DISC1: variants seen among roughly 807,000 people sequenced by gnomAD.
DISC1 encodes DISC1 scaffold protein, also known as disrupted in schizophrenia 1 protein.
Under a neutral mutation model 84.5 loss-of-function variants are expected in DISC1, and 57 were observed. The observed-to-expected ratio is 0.67, with a 90% CI of 0.55 to 0.84. The LOEUF (loss-of-function observed/expected upper bound fraction) is 0.84, where lower values mean the gene tolerates loss of function less well. DISC1 is among the 40% of genes least tolerant of loss of function. DISC1 has a pLI of 0.00. For missense variants in DISC1, 1,000 were observed against 1,057.8 expected, an observed-to-expected ratio of 0.95 and a Z score of 0.76; for synonymous variants, 411 against 415.2, an observed-to-expected ratio of 0.99 and a Z score of 0.12.
chr1:231,746,409 A>G (rs754798810), intron 3 of DISC1, among the ~76,000 whole-genome samples: 4 of 152,210 alleles, frequency 2.6e-5, no homozygotes, highest in Non-Finnish European at 5.9e-5. Context: ...CTGCAAGAAC[A>G]TGGGGGTGTA....
At chr1:231,962,998 C>G (rs1296942941) in intron 10 of DISC1, among the ~76,000 whole-genome samples, 1 of 152,220 alleles carries the variant, frequency 6.6e-6, no homozygotes, top group Non-Finnish European at 1.5e-5. Flanking sequence ...ATAATAGCAA[C>G]TTTTCCTGCT....
Position 231,853,359 on chromosome 1 carries a change from C to T in DISC1, c.1981+34842C>T, listed in dbSNP as rs7512817. Among the ~76,000 whole-genome samples, 1,227 of 152,244 alleles carry T rather than the reference C, an allele frequency of 8.1e-3. 19 individuals carry two copies. The highest frequency in any genetic ancestry group is 0.028 in the African/African-American group (1,170 of 41,536). ...ACTTACACAAACCTAGATGGTGCAC[C>T]CTACTACTCCACACCCAGGCTACGT... On this transcript the variant is annotated intron_variant, in intron 9 of 12. Coordinates refer to ENST00000439617, the MANE Select transcript of DISC1 (RefSeq NM_018662.3).
chr1:231,973,486 A>G (rs79786855), intron 10 of DISC1, among the ~76,000 whole-genome samples: 2,010 of 152,326 alleles, frequency 0.013, 43 homozygotes, highest in East Asian at 0.099. Flanking sequence ...GCCTTTTCCC[A>G]TGTCCTTCAA....
At chr1:231,989,795 A>G (rs1229290685) in intron 10 of DISC1, among the ~76,000 whole-genome samples, 1 of 152,214 alleles carries the variant, frequency 6.6e-6, no homozygotes. Context: ...CTTTATATCA[A>G]GTACCTGTGC....
intron 6 of DISC1, among the ~76,000 whole-genome samples, chr1:231,775,368 G>T (rs1041806636): frequency 2.6e-5 from 4 of 152,162 alleles, no homozygotes; most frequent in Non-Finnish European, 5.9e-5. Flanking sequence ...GTGGCTTGTT[G>T]GGAACCCCCT....
At chr1:231,784,124 A>T (rs370377574) in intron 6 of DISC1, among the ~76,000 whole-genome samples, 1 of 152,094 alleles carries the variant, frequency 6.6e-6, no homozygotes, top group Non-Finnish European at 1.5e-5. Flanking sequence ...TTATCCGGGC[A>T]TGGTGGTGCG....
At chr1:231,723,020 C>A (rs995802890) in intron 3 of DISC1, 4 of 1,102,516 alleles carry the variant, frequency 3.6e-6, no homozygotes, top group Non-Finnish European at 4.4e-6. Flanking sequence ...ATGAAGGAAT[C>A]ATTTTCCCCT....
intron 3 of DISC1, among the ~76,000 whole-genome samples, chr1:231,713,186 C>T (rs1319888589): frequency 1.3e-5 from 2 of 152,014 alleles, no homozygotes; most frequent in African/African-American, 4.8e-5. Flanking sequence ...GGTGAGAGTC[C>T]GATAGCCAGA....
Position 231,954,335 on chromosome 1 carries a change from T to C in DISC1, c.1982-4493T>C, listed in dbSNP as rs1377114596. Among the ~76,000 whole-genome samples, 1 of 152,236 alleles carries C rather than the reference T, an allele frequency of 6.6e-6. No individual in the cohort carries two copies. The highest frequency in any genetic ancestry group is 2.4e-5 in the African/African-American group (1 of 41,464). Reference sequence around the variant, plus strand: ...GGACCCAGATTGAACTCCTGTAGCATGATGTGTGTTTCATGCACTCTACTG... The same window carrying C: ...GGACCCAGATTGAACTCCTGTAGCACGATGTGTGTTTCATGCACTCTACTG... On this transcript the variant is annotated intron_variant, in intron 9 of 12. Coordinates refer to ENST00000439617, the MANE Select transcript of DISC1 (RefSeq NM_018662.3). The surrounding 1 kb of genome is among the most constrained non-coding windows in gnomAD (Gnocchi z 4.8).
At chr1:231,750,340 A>C (rs1415981602) in intron 4 of DISC1, 10 of 1,262,394 alleles carry the variant, frequency 7.9e-6, no homozygotes, top group Non-Finnish European at 1.0e-5. Flanking sequence ...GGTCTGAAGC[A>C]TCTCTTGGGA....
intron 3 of DISC1, among the ~76,000 whole-genome samples, chr1:231,705,306 AAAAAAAAAAATCATT>A (rs1167415718): frequency 1.8e-5 from 2 of 109,670 alleles, no homozygotes; most frequent in African/African-American, 8.2e-5. Flanking sequence ...AAAAAAAAAA[AAAAAAAAAAATCATT>A]AAAAAAAAAA....
At chr1:231,908,435 C>T (rs967042107) in intron 9 of DISC1, among the ~76,000 whole-genome samples, 16 of 152,140 alleles carry the variant, frequency 1.1e-4, no homozygotes, top group Non-Finnish European at 1.5e-4. Context: ...AATAGGGAAT[C>T]GTTTCCCCAT....
Position 231,816,765 on chromosome 1 carries a change from A to G in DISC1, c.1793-1564A>G, listed in dbSNP as rs1460537993. On this transcript the variant is annotated intron_variant, in intron 8 of 12. Coordinates refer to ENST00000439617, the MANE Select transcript of DISC1 (RefSeq NM_018662.3). ...TTCTATTCCATCGATCTGTTTGTCTATGTATATTCAATGCCATATTACCTT... is the reference window on the plus strand; with the variant it reads ...TTCTATTCCATCGATCTGTTTGTCTGTGTATATTCAATGCCATATTACCTT... Among the ~76,000 whole-genome samples, 7 of 152,236 alleles carry G rather than the reference A, an allele frequency of 4.6e-5. No individual in the cohort carries two copies. In the South Asian group the frequency reaches 8.3e-4, roughly 18 times the overall value.
rs1056505562 is a variant in DISC1 at position 231,793,797 on chromosome 1, C to T, written c.1635-1445C>T. On this transcript the variant is annotated intron_variant, in intron 6 of 12. Coordinates refer to ENST00000439617, the MANE Select transcript of DISC1 (RefSeq NM_018662.3). ...CATTTAATACTGACTAGAGCTTGCC[C>T]TTGATATTTCTTTAAAAATATTTTA... Among the ~76,000 whole-genome samples, 4 of 152,298 alleles carry T rather than the reference C, an allele frequency of 2.6e-5. No individual in the cohort carries two copies. The South Asian group carries it at 6.2e-4, about 24-fold the overall frequency.
chr1:231,976,184 G>A (rs1482112395), intron 10 of DISC1, among the ~76,000 whole-genome samples: 1 of 152,148 alleles, frequency 6.6e-6, no homozygotes, highest in African/African-American at 2.4e-5. Flanking sequence ...TAATGGGTCT[G>A]TGAATCCCAT....
chr1:232,018,511 C>G (rs1256422305), intron 11 of DISC1, among the ~76,000 whole-genome samples: 5 of 152,208 alleles, frequency 3.3e-5, no homozygotes, highest in Non-Finnish European at 5.9e-5. Context: ...TTGAAAGTCA[C>G]TTTAATGGGA....
At position 231,780,969 on chromosome 1, in the gene DISC1, A is replaced by G. The variant is rs1367153074; in HGVS notation, c.1634+9899A>G. Among the ~76,000 whole-genome samples, 36 of 110,076 alleles carry G rather than the reference A, an allele frequency of 3.3e-4. No individual in the cohort carries two copies. The Admixed American group carries it at 4.2e-3, about 13-fold the overall frequency. 72.2% of individuals were successfully genotyped at this position (110,076 alleles called of 152,430 possible). A position where few individuals can be genotyped will look rare whatever the true frequency, so the allele number is the denominator to read the frequency against. On this transcript the variant is annotated intron_variant, in intron 6 of 12. Transcript: ENST00000439617. Reference sequence around the variant, plus strand: ...GGTGGGAATTGAACAATGAGATCACATGGACACAGGAAGGGGAATATCACA... The same window carrying G: ...GGTGGGAATTGAACAATGAGATCACGTGGACACAGGAAGGGGAATATCACA...
chr1:232,003,515 T>C (rs958136787), intron 10 of DISC1, among the ~76,000 whole-genome samples: 1 of 152,070 alleles, frequency 6.6e-6, no homozygotes, highest in Admixed American at 6.6e-5. Flanking sequence ...AGAATTATAG[T>C]TGGAAATTTA....
At chr1:231,679,806 C>T (rs1335418738) in intron 1 of DISC1, among the ~76,000 whole-genome samples, 1 of 152,204 alleles carries the variant, frequency 6.6e-6, no homozygotes, top group Non-Finnish European at 1.5e-5. Context: ...TAAACAGCCT[C>T]TTTATTTGTA....
Sources: allele counts gnomAD v4.1 joint callset (sites outside exome capture counted in the v4.1 genomes callset), GRCh38; gene constraint gnomAD v4.1.1; non-coding constraint Gnocchi (gnomAD v3.1); transcripts MANE v1.5; gene names NCBI Gene and HGNC (gene_info 2026-07-23, HGNC 2026-07-21).